Variants in COG6 observed in about 807,000 individuals in gnomAD.
COG6 encodes the protein conserved oligomeric Golgi complex subunit 6.
In COG6, 74 loss-of-function variants were observed where a neutral mutation model predicts 88.8. That is an observed-to-expected ratio of 0.83 (90% CI 0.69 to 1.01). The LOEUF (loss-of-function observed/expected upper bound fraction) is 1.01, where lower values mean the gene tolerates loss of function less well. Ranked by LOEUF, COG6 falls within the 50% of genes least tolerant of loss-of-function variation. The pLI is 0.00. For missense variants in COG6, 800 were observed against 797.9 expected, an observed-to-expected ratio of 1.00 and a Z score of -0.03; for synonymous variants, 286 against 278.7, an observed-to-expected ratio of 1.03 and a Z score of -0.26.
At chr13:39,774,882 T>A (rs566146700) in intron 18 of COG6, among the ~76,000 whole-genome samples, 2 of 152,170 alleles carry the variant, frequency 1.3e-5, no homozygotes, top group East Asian at 3.9e-4. Context: ...TGGAAAAAAA[T>A]TTCAAAGTTT....
At chr13:39,779,814 T>A (rs1881574877) in intron 18 of COG6, among the ~76,000 whole-genome samples, 1 of 152,164 alleles carries the variant, frequency 6.6e-6, no homozygotes, top group South Asian at 2.1e-4. Flanking sequence ...TTCACCTCAA[T>A]TTCACCTCTG....
At chr13:39,771,937 A>G (rs988724167) in intron 18 of COG6, among the ~76,000 whole-genome samples, 2 of 152,196 alleles carry the variant, frequency 1.3e-5, no homozygotes, top group African/African-American at 4.8e-5. Flanking sequence ...GGTAGGGGTG[A>G]GAAGGCTGAA....
intron 18 of COG6, among the ~76,000 whole-genome samples, chr13:39,759,487 G>T (rs1178974835): frequency 6.6e-6 from 1 of 152,016 alleles, no homozygotes; most frequent in Non-Finnish European, 1.5e-5. Flanking sequence ...ATACTTGCAG[G>T]TCAGTTAATC....
At chr13:39,717,633 A>G (rs1878600080) in intron 13 of COG6, among the ~76,000 whole-genome samples, 1 of 152,056 alleles carries the variant, frequency 6.6e-6, no homozygotes, top group Admixed American at 6.6e-5. Flanking sequence ...TTGGGAGGCT[A>G]AGGCAGGAGG....
intron 18 of COG6, among the ~76,000 whole-genome samples, chr13:39,728,674 T>C (rs56322803): frequency 2.0e-4 from 31 of 151,698 alleles, no homozygotes; most frequent in African/African-American, 7.0e-4. Flanking sequence ...TGTAGGTGCT[T>C]CTTTTTTTTT....
intron 1 of COG6, among the ~76,000 whole-genome samples, chr13:39,656,577 G>A (rs767492199): frequency 1.1e-4 from 16 of 151,932 alleles, no homozygotes; most frequent in Admixed American, 6.6e-4. Flanking sequence ...GGGTCGCTAG[G>A]TAAATTGGTC....
At chr13:39,668,798 A>G (rs1001864945) in intron 4 of COG6, among the ~76,000 whole-genome samples, 4 of 152,004 alleles carry the variant, frequency 2.6e-5, no homozygotes, top group Middle Eastern at 3.4e-3. Context: ...AAAAAAAAAA[A>G]AAAAGAAAAG....
chr13:39,677,799 A>G lies in COG6; in HGVS notation c.540+220A>G, dbSNP rs549281968. 1.9e-4 allele frequency among the ~76,000 whole-genome samples: 29 copies of G among 152,282 alleles called. 1 individual carries two copies. In the South Asian group the frequency reaches 5.6e-3, roughly 29 times the overall value. On this transcript the variant is annotated intron_variant, in intron 5 of 18. Coordinates refer to ENST00000455146, the MANE Select transcript of COG6 (RefSeq NM_020751.3). ...TATAAAAAGAAAATCTATGTCACCT[A>G]TTTTACTCTTCCTCACCTCTAGGTC... is the stretch of plus-strand genomic sequence containing the variant.
At chr13:39,741,518 A>G (rs1276575978) in intron 18 of COG6, among the ~76,000 whole-genome samples, 1 of 152,206 alleles carries the variant, frequency 6.6e-6, no homozygotes, top group Non-Finnish European at 1.5e-5. Flanking sequence ...GTGATTGAAG[A>G]TCAAATTAAT....
At chr13:39,660,401 A>C (rs957047237) in intron 2 of COG6, among the ~76,000 whole-genome samples, 1 of 152,200 alleles carries the variant, frequency 6.6e-6, no homozygotes, top group African/African-American at 2.4e-5. Flanking sequence ...CAATCTTACC[A>C]GTATCAGAAA....
intron 3 of COG6, among the ~76,000 whole-genome samples, chr13:39,663,636 C>T (rs1395196366): frequency 6.6e-6 from 1 of 152,132 alleles, no homozygotes; most frequent in Admixed American, 6.5e-5. Context: ...TGGTGGCTCA[C>T]ACCTGTAATC....
chr13:39,771,782 G>T (rs1056946930), intron 18 of COG6, among the ~76,000 whole-genome samples: 2 of 152,172 alleles, frequency 1.3e-5, no homozygotes, highest in African/African-American at 4.8e-5. Context: ...ATGACCACGG[G>T]CCCTTCTCAT....
Position 39,670,052 on chromosome 13 carries a change from A to G in COG6, c.428+4898A>G, listed in dbSNP as rs139610151. Among the ~76,000 whole-genome samples the G allele has an allele frequency of 6.2e-3, 942 of 152,322 alleles. 5 individuals carry two copies. Among genetic ancestry groups the G allele is most frequent in the Non-Finnish European group, 8.9e-3 (607 of 68,004 alleles). ...TATGGGATTATTTGAATAATACGATACTTTTATTCAGACAAATGTATGAAT... is the reference window on the plus strand; with the variant it reads ...TATGGGATTATTTGAATAATACGATGCTTTTATTCAGACAAATGTATGAAT... On this transcript the variant is annotated intron_variant, in intron 4 of 18. Transcript: ENST00000455146.
chr13:39,681,458 G>C (rs1285894564), intron 7 of COG6, among the ~76,000 whole-genome samples: 1 of 152,038 alleles, frequency 6.6e-6, no homozygotes, highest in Non-Finnish European at 1.5e-5. Context: ...CTTACATAGT[G>C]GTTCCCAACT....
intron 18 of COG6, among the ~76,000 whole-genome samples, chr13:39,733,391 A>C (rs924132456): frequency 6.6e-6 from 1 of 151,838 alleles, no homozygotes; most frequent in Non-Finnish European, 1.5e-5. Context: ...GGGTTTCACC[A>C]TGTTGGCCCG....
chr13:39,733,822 T>C (rs762016758), intron 18 of COG6, among the ~76,000 whole-genome samples: 3 of 152,206 alleles, frequency 2.0e-5, no homozygotes, highest in Non-Finnish European at 4.4e-5. Flanking sequence ...TCATTACTTG[T>C]TATTGGACTC....
Position 39,719,732 on chromosome 13 carries a change from A to G in COG6, c.1489A>G (p.Met497Val), listed in dbSNP as rs1478399195. 6.2e-7 allele frequency: 1 copy of G among 1,612,340 alleles called. No individual in the cohort carries two copies. Among genetic ancestry groups the G allele is most frequent in the South Asian group, 1.1e-5 (1 of 91,042 alleles). The change falls in exon 15 of 19, where the codon ATG becomes GTG. Residue 497 changes from methionine to valine, a missense_variant. By Grantham distance (21) the Met-to-Val change is conservative. Coordinates refer to ENST00000455146, the MANE Select transcript of COG6 (RefSeq NM_020751.3). ...VSASNLGTADMATFMVNSLYM... is the reference protein window; with the variant it reads ...VSASNLGTADVATFMVNSLYM... Reference sequence around the variant, plus strand: ...AGCCAGCAATTTAGGCACAGCTGACATGGCCACTTTCATGGTCAATTCACT... The same window carrying G: ...AGCCAGCAATTTAGGCACAGCTGACGTGGCCACTTTCATGGTCAATTCACT...
intron 4 of COG6, among the ~76,000 whole-genome samples, chr13:39,673,152 A>G (rs1875753278): frequency 6.6e-6 from 1 of 151,968 alleles, no homozygotes; most frequent in Non-Finnish European, 1.5e-5. Flanking sequence ...CAGATACATT[A>G]TTTGCAGCCA....
intron 12 of COG6, among the ~76,000 whole-genome samples, chr13:39,696,963 C>G (rs908962729): frequency 6.8e-6 from 1 of 146,314 alleles, no homozygotes; most frequent in Non-Finnish European, 1.5e-5. Flanking sequence ...TGTATACATA[C>G]TAGATAGAGT....
Sources: allele counts gnomAD v4.1 joint callset (sites outside exome capture counted in the v4.1 genomes callset), GRCh38; gene constraint gnomAD v4.1.1; transcripts MANE v1.5; gene names NCBI Gene and HGNC (gene_info 2026-07-23, HGNC 2026-07-21).